PKNOX2: variants seen among roughly 807,000 people sequenced by gnomAD.
PKNOX2 encodes PBX/knotted 1 homeobox 2.
In PKNOX2, 14 loss-of-function variants were observed where a neutral mutation model predicts 53.1. The observed-to-expected ratio is 0.26, with a 90% CI of 0.17 to 0.41. The LOEUF (loss-of-function observed/expected upper bound fraction) is 0.41, where lower values mean the gene tolerates loss of function less well. PKNOX2 is among the 10% of genes least tolerant of loss of function. PKNOX2 has a pLI of 1.00. For synonymous variants in PKNOX2, 257 were observed against 242.8 expected, an observed-to-expected ratio of 1.06 and a Z score of -0.54; for missense variants, 496 against 602.8, an observed-to-expected ratio of 0.82 and a Z score of 1.85.
At chr11:125,336,060 G>C (rs1469840944) in intron 3 of PKNOX2, among the ~76,000 whole-genome samples, 1 of 152,020 alleles carries the variant, frequency 6.6e-6, no homozygotes, top group Admixed American at 6.6e-5. Flanking sequence ...ATAGCTTTCT[G>C]GGTCAAAACA....
At chr11:125,373,368 G>A (rs1421755815) in intron 5 of PKNOX2, among the ~76,000 whole-genome samples, 1 of 152,198 alleles carries the variant, frequency 6.6e-6, no homozygotes, top group Non-Finnish European at 1.5e-5. Flanking sequence ...CATTCGGGGG[G>A]ACAGGATCGG....
At chr11:125,364,335 C>T (rs1952074305) in intron 4 of PKNOX2, among the ~76,000 whole-genome samples, 1 of 152,266 alleles carries the variant, frequency 6.6e-6, no homozygotes, top group African/African-American at 2.4e-5. Flanking sequence ...CAGACCAGCT[C>T]TGCTGTCTTC....
At chr11:125,179,026 G>A (rs929744346) in intron 1 of PKNOX2, among the ~76,000 whole-genome samples, 4 of 152,112 alleles carry the variant, frequency 2.6e-5, no homozygotes, top group Non-Finnish European at 4.4e-5. Flanking sequence ...GCCCTCTCCC[G>A]TGTGTTTCAT....
intron 11 of PKNOX2, among the ~76,000 whole-genome samples, chr11:125,429,527 C>T (rs1381106241): frequency 2.0e-5 from 3 of 152,160 alleles, no homozygotes; most frequent in Admixed American, 2.0e-4. Flanking sequence ...ATTCTGACCC[C>T]ACAGGGATCT....
chr11:125,197,075 A>G (rs955269102), intron 1 of PKNOX2, among the ~76,000 whole-genome samples: 3 of 152,226 alleles, frequency 2.0e-5, no homozygotes, highest in Admixed American at 1.3e-4. Flanking sequence ...CAGGGTCACC[A>G]TCGCTGCAGA....
At chr11:125,315,161 TC>T (rs1166891035) in intron 2 of PKNOX2, among the ~76,000 whole-genome samples, 1 of 151,874 alleles carries the variant, frequency 6.6e-6, no homozygotes, top group African/African-American at 2.4e-5. Flanking sequence ...CTCCACAGCA[TC>T]CCCCTCTCCC....
intron 4 of PKNOX2, among the ~76,000 whole-genome samples, chr11:125,358,856 CG>C (rs1208158724): frequency 6.6e-6 from 1 of 152,200 alleles, no homozygotes; most frequent in Non-Finnish European, 1.5e-5. Context: ...GAGTACACTG[CG>C]GGCAGGCATG....
At chr11:125,249,368 A>G (rs1943825186) in intron 2 of PKNOX2, among the ~76,000 whole-genome samples, 1 of 152,212 alleles carries the variant, frequency 6.6e-6, no homozygotes, top group African/African-American at 2.4e-5. Context: ...GCAAATAAAC[A>G]AGAATAGTCA....
intron 1 of PKNOX2, among the ~76,000 whole-genome samples, chr11:125,191,760 T>TG (rs1956892090): frequency 6.6e-6 from 1 of 152,190 alleles, no homozygotes; most frequent in South Asian, 2.1e-4. Flanking sequence ...GGGACGTACT[T>TG]GCTTTGGGTT....
intron 2 of PKNOX2, among the ~76,000 whole-genome samples, chr11:125,330,066 A>C (rs1950047261): frequency 6.6e-6 from 1 of 152,116 alleles, no homozygotes; most frequent in African/African-American, 2.4e-5. Flanking sequence ...TGGAAGCAGC[A>C]GTGCAGGGGT....
chr11:125,321,625 G>A (rs994359663), intron 2 of PKNOX2, among the ~76,000 whole-genome samples: 3 of 152,190 alleles, frequency 2.0e-5, no homozygotes, highest in Non-Finnish European at 4.4e-5. Flanking sequence ...CATGTTCAAC[G>A]CTGTCATCAC....
chr11:125,284,784 C>A (rs1194378700), intron 2 of PKNOX2, among the ~76,000 whole-genome samples: 1 of 152,138 alleles, frequency 6.6e-6, no homozygotes, highest in African/African-American at 2.4e-5. Context: ...AGAAAGGACA[C>A]TAGGGACTTC....
intron 1 of PKNOX2, among the ~76,000 whole-genome samples, chr11:125,204,234 C>T (rs1374770994): frequency 6.6e-6 from 1 of 152,062 alleles, no homozygotes; most frequent in Non-Finnish European, 1.5e-5. Context: ...GGTAGCAGGG[C>T]CTTGGTTTTG....
intron 2 of PKNOX2, among the ~76,000 whole-genome samples, chr11:125,253,619 C>T (rs750572717): frequency 9.9e-5 from 15 of 152,146 alleles, no homozygotes; most frequent in Admixed American, 7.9e-4. Context: ...GTCGTGATTC[C>T]TTGGCATGGC....
chr11:125,403,501 T>C (rs1173242613), intron 7 of PKNOX2, among the ~76,000 whole-genome samples: 1 of 152,142 alleles, frequency 6.6e-6, no homozygotes, highest in African/African-American at 2.4e-5. Context: ...GATTATCTAA[T>C]TTACTCTTCA....
chr11:125,269,627 G>A (rs1945635714), intron 2 of PKNOX2, among the ~76,000 whole-genome samples: 1 of 152,180 alleles, frequency 6.6e-6, no homozygotes, highest in East Asian at 1.9e-4. Flanking sequence ...TTGGTTGATG[G>A]ATGGAGATGG....
intron 2 of PKNOX2, among the ~76,000 whole-genome samples, chr11:125,276,558 C>T (rs1946173093): frequency 6.6e-6 from 1 of 152,112 alleles, no homozygotes; most frequent in Non-Finnish European, 1.5e-5. Context: ...TATTTTAGTT[C>T]TGAGACAGAC....
intron 3 of PKNOX2, among the ~76,000 whole-genome samples, chr11:125,344,525 C>G (rs185764646): frequency 6.6e-6 from 1 of 152,222 alleles, no homozygotes; most frequent in Non-Finnish European, 1.5e-5. Context: ...CAGAAGCAGG[C>G]AGTCCTAGCC....
chr11:125,216,313 G>A (rs538400516), intron 1 of PKNOX2, among the ~76,000 whole-genome samples: 4 of 152,276 alleles, frequency 2.6e-5, no homozygotes, highest in Admixed American at 2.0e-4. Flanking sequence ...GACAGGCCAC[G>A]GTGTGACCCT....
Sources: gnomAD v4.1 joint callset for allele counts (sites outside exome capture counted in the v4.1 genomes callset) on GRCh38, gnomAD v4.1.1 for gene constraint, MANE v1.5 for transcripts, NCBI Gene and HGNC (gene_info 2026-07-23, HGNC 2026-07-21) for gene names.